ROBO2: variants seen among roughly 807,000 people sequenced by gnomAD.
ROBO2 encodes roundabout homolog 2.
In ROBO2, 53 loss-of-function variants were observed where a neutral mutation model predicts 160.8. That is an observed-to-expected ratio of 0.33 (90% CI 0.26 to 0.41). The LOEUF is 0.41. Ranked by LOEUF, ROBO2 falls within the 10% of genes least tolerant of loss-of-function variation. The pLI is 1.00. For synonymous variants in ROBO2, 664 were observed against 611.7 expected (o/e 1.09, Z -1.26); for missense variants, 1,577 against 1,722.4 (o/e 0.92, Z 1.49).
chr3:77,609,292 A>G (rs187792024), intron 21 of ROBO2, among the ~76,000 whole-genome samples: 63 of 152,226 alleles, frequency 4.1e-4, no homozygotes, highest in Non-Finnish European at 4.1e-4. Context: ...AAAATTCTGT[A>G]TATGATCTTA....
intron 2 of ROBO2, among the ~76,000 whole-genome samples, chr3:76,385,888 C>T (rs1171067258): frequency 6.6e-6 from 1 of 152,016 alleles, no homozygotes; most frequent in Non-Finnish European, 1.5e-5. Context: ...TTAGAAACTT[C>T]TTGTCATAAA....
At chr3:77,085,597 C>T (rs2069197941) in intron 1 of ROBO2, among the ~76,000 whole-genome samples, 3 of 151,962 alleles carry the variant, frequency 2.0e-5, no homozygotes, top group Non-Finnish European at 4.4e-5. Context: ...TATTTGGATA[C>T]CTTTATAAGC....
At chr3:77,412,135 T>TAAA (rs1560762877) in intron 2 of ROBO2, among the ~76,000 whole-genome samples, 1 of 146,732 alleles carries the variant, frequency 6.8e-6, no homozygotes, top group Non-Finnish European at 1.5e-5. Context: ...GTTCTAAAAG[T>TAAA]ACCCCAGGCA....
intron 2 of ROBO2, among the ~76,000 whole-genome samples, chr3:76,742,551 C>T (rs1451504383): frequency 6.6e-6 from 1 of 152,092 alleles, no homozygotes; most frequent in Non-Finnish European, 1.5e-5. Flanking sequence ...TTCACCTCCT[C>T]ACCCCAAATG....
chr3:77,620,114 A>C (rs2094869982), intron 22 of ROBO2, among the ~76,000 whole-genome samples: 1 of 152,134 alleles, frequency 6.6e-6, no homozygotes, highest in African/African-American at 2.4e-5. Flanking sequence ...TCTTCTTCTG[A>C]GTGTGTTCCT....
chr3:77,604,662 T>A (rs1339485946), intron 20 of ROBO2, among the ~76,000 whole-genome samples: 1 of 152,166 alleles, frequency 6.6e-6, no homozygotes, highest in African/African-American at 2.4e-5. Context: ...GAGTGATTAT[T>A]CTCTTTTTAG....
At chr3:77,535,649 G>T (rs2092046600) in intron 6 of ROBO2, among the ~76,000 whole-genome samples, 1 of 151,998 alleles carries the variant, frequency 6.6e-6, no homozygotes, top group African/African-American at 2.4e-5. Context: ...AAATTTTATT[G>T]TTTTATTTTT....
intron 2 of ROBO2, among the ~76,000 whole-genome samples, chr3:76,062,375 C>G (rs144675589): frequency 1.3e-5 from 2 of 152,040 alleles, no homozygotes; most frequent in East Asian, 3.9e-4. Context: ...ATGTGCTGTC[C>G]GACTACTTCA....
intron 2 of ROBO2, among the ~76,000 whole-genome samples, chr3:77,244,195 A>G (rs559454914): frequency 1.3e-5 from 2 of 152,342 alleles, no homozygotes; most frequent in South Asian, 2.1e-4. Context: ...CTTTTCCTCA[A>G]TAAAGGCAAC....
At chr3:77,614,154 A>T (rs915661126) in intron 21 of ROBO2, among the ~76,000 whole-genome samples, 1 of 152,160 alleles carries the variant, frequency 6.6e-6, no homozygotes, top group African/African-American at 2.4e-5. Context: ...TCTTATTCAG[A>T]CCATTCTGAT....
rs79913275 is a variant in ROBO2, at chr3:76,062,155, G to A, written c.109+124553G>A. Among the ~76,000 whole-genome samples the A allele has an allele frequency of 3.5e-3, 537 of 152,234 alleles. 3 individuals are homozygous for A. The highest frequency in any genetic ancestry group is 0.012 in the African/African-American group (513 of 41,540). On this transcript the variant is annotated intron_variant, in intron 2 of 26. Transcript: ENST00000487694. Reference sequence around the variant, plus strand: ...CAGAGATTAGAATGCGGACATTCTTGGGGGATACGGCCTAGTTCTGCCTAC... The same window carrying A: ...CAGAGATTAGAATGCGGACATTCTTAGGGGATACGGCCTAGTTCTGCCTAC...
chr3:76,068,052 T>C (rs143457782), intron 2 of ROBO2, among the ~76,000 whole-genome samples: 84 of 152,208 alleles, frequency 5.5e-4, no homozygotes, highest in Admixed American at 2.5e-3. Flanking sequence ...GAAATACACA[T>C]GGAGGGTGGA....
intron 2 of ROBO2, among the ~76,000 whole-genome samples, chr3:76,182,543 T>C (rs997181045): frequency 2.6e-5 from 4 of 152,216 alleles, no homozygotes; most frequent in South Asian, 2.1e-4. Context: ...TTAACCCCTG[T>C]GTCCCTCCAG....
intron 1 of ROBO2, among the ~76,000 whole-genome samples, chr3:77,087,083 A>G (rs2069427550): frequency 6.6e-6 from 1 of 152,132 alleles, no homozygotes; most frequent in Non-Finnish European, 1.5e-5. Context: ...TTCAGTTACT[A>G]AGATTAATGC....
At chr3:76,859,787 T>C (rs1235025453) in intron 2 of ROBO2, among the ~76,000 whole-genome samples, 1 of 152,120 alleles carries the variant, frequency 6.6e-6, no homozygotes, top group Non-Finnish European at 1.5e-5. Flanking sequence ...AGTTAACCAT[T>C]CTCTCTCTAG....
At chr3:76,617,757 T>C (rs575292266) in intron 2 of ROBO2, among the ~76,000 whole-genome samples, 3 of 152,168 alleles carry the variant, frequency 2.0e-5, no homozygotes, top group South Asian at 4.2e-4. Context: ...ATGCAATTTA[T>C]AAAGAAAAGA....
intron 2 of ROBO2, among the ~76,000 whole-genome samples, chr3:77,125,056 C>A (rs1305903952): frequency 6.6e-6 from 1 of 152,012 alleles, no homozygotes; most frequent in East Asian, 1.9e-4. Context: ...TGGGAAGAAT[C>A]TAGGCAATTT....
At chr3:76,230,469 G>A (rs558081439) in intron 2 of ROBO2, among the ~76,000 whole-genome samples, 6 of 152,148 alleles carry the variant, frequency 3.9e-5, no homozygotes, top group Admixed American at 3.3e-4. Flanking sequence ...CTTTATGAGT[G>A]CTAAGCCACA....
intron 24 of ROBO2, 76 bp from the exon 27 acceptor site, chr3:77,644,628 T>TTA: frequency 7.9e-7 from 1 of 1,271,524 alleles, no homozygotes; most frequent in Admixed American, 1.7e-5. Flanking sequence ...ATTCACAGTG[T>TTA]TATATTCAAG....
Sources: gnomAD v4.1 joint callset for allele counts (sites outside exome capture counted in the v4.1 genomes callset) on GRCh38, gnomAD v4.1.1 for gene constraint, MANE v1.5 for transcripts, NCBI Gene and HGNC (gene_info 2026-07-23, HGNC 2026-07-21) for gene names.